Variants in HOXD10 observed in about 807,000 individuals in gnomAD.
HOXD10 encodes the protein homeobox protein Hox-D10.
A neutral mutation model predicts 27.0 loss-of-function variants in HOXD10; 15 were observed. The observed-to-expected ratio is 0.56, with a 90% confidence interval of 0.37 to 0.85. The LOEUF is 0.85. Among genes scored for constraint, HOXD10 ranks in the 40% least tolerant of loss-of-function variants. The probability of loss-of-function intolerance (pLI) is 0.00; values close to 1 mark genes in which losing one functional copy is unlikely to be tolerated. For missense variants in HOXD10, 440 were observed against 430.4 expected, an observed-to-expected ratio of 1.02 and a Z score of -0.20; for synonymous variants, 178 against 160.9, an observed-to-expected ratio of 1.11 and a Z score of -0.80.
chr2:176,119,279 G>C lies in HOXD10; in HGVS notation c.*48G>C. The C allele has an allele frequency of 6.3e-7, 1 of 1,595,568 alleles. No homozygotes were observed. The highest frequency in any genetic ancestry group is 8.6e-7 in the Non-Finnish European group (1 of 1,167,750). ...GTCAGAGGCCAGGATTGGAGAGGGG[G>C]CACCGCGTTCCAGGGCCCAGTGCTG... On this transcript the variant is annotated 3_prime_UTR_variant, in exon 2 of 2. Coordinates refer to ENST00000249501, the MANE Select transcript of HOXD10 (RefSeq NM_002148.4).
rs779104360 is a variant in HOXD10, at chr2:176,117,551, C to T, written c.718C>T (p.Pro240Ser). 1.2e-6 allele frequency: 2 copies of T among 1,613,182 alleles called. No homozygotes were observed. The highest frequency in any genetic ancestry group is 3.3e-5 in the Admixed American group (2 of 60,030). ...SCLAEVSVSS[P>S]EVQEKESKEE... ...CCTGGCTGAGGTCTCCGTGTCCAGT[C>T]CCGAAGTGCAGGAGAAGGAAAGCAA... The change falls in exon 1 of 2, where the codon CCC (proline) becomes TCC (serine). Residue 240 changes from proline to serine, a missense_variant. Pro to Ser is a moderately conservative substitution (Grantham distance 74). Transcript: ENST00000249501.
At chr2:176,118,539 G>C (rs1689803381) in intron 1 of HOXD10, among the ~76,000 whole-genome samples, 1 of 152,226 alleles carries the variant, frequency 6.6e-6, no homozygotes, top group Non-Finnish European at 1.5e-5. Context: ...GGGGTTGGTA[G>C]GCTTGTCCAG....
chr2:176,118,852 A>C lies in HOXD10; in HGVS notation c.746-102A>C, dbSNP rs374352905. On this transcript the variant is annotated intron_variant, in intron 1 of 1. Coordinates refer to ENST00000249501, the MANE Select transcript of HOXD10 (RefSeq NM_002148.4). ...ATTTGAACAGTCTGAAGAAAAAAACAAAAACGAAAACCAAAACCAAAACCA... is the reference window on the plus strand; with the variant it reads ...ATTTGAACAGTCTGAAGAAAAAAACCAAAACGAAAACCAAAACCAAAACCA... 568 of 1,101,012 alleles carry C rather than the reference A, an allele frequency of 5.2e-4. 4 individuals are homozygous for C. In the East Asian group the frequency reaches 0.012, roughly 24 times the overall value. The allele number at this position is 1,101,012 out of a possible 1,614,324, so 68.2% of individuals were successfully genotyped here.
At position 176,116,961 on chromosome 2, in the gene HOXD10, T is replaced by C. The variant is rs965599944; in HGVS notation, c.128T>C (p.Met43Thr). The C allele has an allele frequency of 6.2e-7, 1 of 1,614,174 alleles. No homozygotes were observed. Among genetic ancestry groups the C allele is most frequent in the Non-Finnish European group, 8.5e-7 (1 of 1,180,030 alleles). The change falls in exon 1 of 2, where the codon ATG becomes ACG. Residue 43 changes from methionine (M) to threonine (T), a missense_variant. By Grantham distance (81) the Met-to-Thr change is moderately conservative (BLOSUM62 -1). Coordinates refer to ENST00000249501, the MANE Select transcript of HOXD10 (RefSeq NM_002148.4). ...TACATGCCACCACCTAGCGCAGACA[T>C]GGGGACCTATGGAATGCAAACCTGT... is the stretch of plus-strand genomic sequence containing the variant. ...SMYMPPPSAD[M>T]GTYGMQTCGL...
rs751382680 is a variant in HOXD10 at position 176,117,464 on chromosome 2, A to T, written c.631A>T (p.Thr211Ser). The T allele has an allele frequency of 1.9e-6, 3 of 1,613,120 alleles. No homozygotes were observed. The highest frequency in any genetic ancestry group is 2.5e-6 in the Non-Finnish European group (3 of 1,179,990). The change falls in exon 1 of 2, where the codon ACC (threonine) becomes TCC (serine). Residue 211 changes from threonine (T) to serine (S), a missense_variant. Coordinates refer to ENST00000249501, the MANE Select transcript of HOXD10 (RefSeq NM_002148.4). Reference sequence around the variant, plus strand: ...CGAGCCCGTGAGCGGCCAGGAGCCCACCAAAGTCTCCCAGGTGGAGAGCCC... The same window carrying T: ...CGAGCCCGTGAGCGGCCAGGAGCCCTCCAAAGTCTCCCAGGTGGAGAGCCC... ...MNEPVSGQEP[T>S]KVSQVESPEA...
chr2:176,116,783 G>A lies in HOXD10; in HGVS notation c.-51G>A, dbSNP rs1031084169. 4 of 1,573,712 alleles carry A rather than the reference G, an allele frequency of 2.5e-6. No homozygotes were observed. In the Admixed American group the frequency reaches 5.0e-5, roughly 20 times the overall value. On this transcript the variant is annotated 5_prime_UTR_variant, in exon 1 of 2. Coordinates refer to ENST00000249501, the MANE Select transcript of HOXD10 (RefSeq NM_002148.4). The stretch of plus-strand genomic sequence containing the variant: ...ATTACACGGGGAATGTTTTCCTAGA[G>A]ATGTCAGCCTACAAAGGACACAATC...
Position 176,119,074 on chromosome 2 carries a change from T to A in HOXD10, c.866T>A (p.Met289Lys). ...TTAGAAAAAGAGTTCTTGTTCAATATGTACCTCACCCGCGAGCGCCGCCTA... is the reference window on the plus strand; with the variant it reads ...TTAGAAAAAGAGTTCTTGTTCAATAAGTACCTCACCCGCGAGCGCCGCCTA... Reference protein sequence around the residue: ...LELEKEFLFNMYLTRERRLEI... With the variant: ...LELEKEFLFNKYLTRERRLEI... The change falls in exon 2 of 2, where the codon ATG becomes AAG. Residue 289 changes from methionine (M) to lysine (K), a missense_variant. Physicochemically the swap from Met to Lys is moderately conservative, Grantham distance 95. Coordinates refer to ENST00000249501, the MANE Select transcript of HOXD10 (RefSeq NM_002148.4). 1 of 1,614,082 alleles carries A rather than the reference T, an allele frequency of 6.2e-7. No individual in the cohort carries two copies. Among genetic ancestry groups the A allele is most frequent in the Non-Finnish European group, 8.5e-7 (1 of 1,180,020 alleles).
Position 176,117,150 on chromosome 2 carries a change from A to G in HOXD10, c.317A>G (p.Asn106Ser), listed in dbSNP as rs1473617830. Residue 106 changes from asparagine to serine, a missense_variant, in exon 1 of 2, where the codon AAC becomes AGC. Coordinates refer to ENST00000249501, the MANE Select transcript of HOXD10 (RefSeq NM_002148.4). ...GTCCCCACTTGCTCCTTCACCACCA[A>G]CATTAAGGAAGAATCCAATTGCTGC... ...QQVPTCSFTT[N>S]IKEESNCCMY... The G allele has an allele frequency of 6.2e-7, 1 of 1,614,178 alleles. No homozygotes were observed. Among genetic ancestry groups the G allele is most frequent in the South Asian group, 1.1e-5 (1 of 91,084 alleles).
At chr2:176,118,909 A>G (rs943516921) in intron 1 of HOXD10, 45 bp from the exon 2 acceptor site, 5 of 1,550,384 alleles carry the variant, frequency 3.2e-6, no homozygotes, top group Admixed American at 3.5e-5. Context: ...CAAACAAACA[A>G]AAAACCTCTT....
In HOXD10 at chr2:176,119,435, GTA is replaced by G. The variant is rs6147035; in HGVS notation, c.*233_*234del. The G allele has an allele frequency of 4.2e-3, 745 of 177,984 alleles. 14 individuals are homozygous for G. Among genetic ancestry groups the G allele is most frequent in the African/African-American group, 0.023 (504 of 21,518 alleles). 11.0% of individuals were successfully genotyped at this position (177,984 alleles called of 1,614,324 possible). A position where few individuals can be genotyped will look rare whatever the true frequency, so the allele number is the denominator to read the frequency against. On this transcript the variant is annotated 3_prime_UTR_variant, in exon 2 of 2. Coordinates refer to ENST00000249501, the MANE Select transcript of HOXD10 (RefSeq NM_002148.4). ...TGCAAGTGATCTGTAATCCCTATGAGTATATATATATATATATATATATATAT... is the reference window on the plus strand; with the variant it reads ...TGCAAGTGATCTGTAATCCCTATGAGTATATATATATATATATATATATAT...
rs374054273 is a variant in HOXD10, at chr2:176,119,337, C to A, written c.*106C>A. The stretch of plus-strand genomic sequence containing the variant: ...GGGAAAGCGGAAACAAAACCTTCAC[C>A]GCTCTTTGTTTGTTGTTTTGTTGTA... On this transcript the variant is annotated 3_prime_UTR_variant, in exon 2 of 2. Coordinates refer to ENST00000249501, the MANE Select transcript of HOXD10 (RefSeq NM_002148.4). The A allele has an allele frequency of 2.6e-6, 3 of 1,155,930 alleles. No individual in the cohort carries two copies. The East Asian group carries it at 7.7e-5, about 30-fold the overall frequency. The allele number at this position is 1,155,930 out of a possible 1,614,324, so 71.6% of individuals were successfully genotyped here.
In HOXD10 at chr2:176,117,541, C is replaced by A. The variant is rs754834998; in HGVS notation, c.708C>A (p.Ser236=). 3.7e-6 allele frequency: 6 copies of A among 1,613,182 alleles called. No individual in the cohort carries two copies. In the Admixed American group the frequency reaches 6.7e-5, roughly 18 times the overall value. ...AGAGGAGCTGCCTGGCTGAGGTCTCCGTGTCCAGTCCCGAAGTGCAGGAGA... is the reference window on the plus strand; with the variant it reads ...AGAGGAGCTGCCTGGCTGAGGTCTCAGTGTCCAGTCCCGAAGTGCAGGAGA... ...PEERSCLAEV[S]VSSPEVQEKE... The change falls in exon 1 of 2, where the codon TCC becomes TCA. Residue 236 remains serine (S), a synonymous_variant. Transcript: ENST00000249501.
chr2:176,118,606 G>A (rs572494731), intron 1 of HOXD10, among the ~76,000 whole-genome samples: 1 of 152,224 alleles, frequency 6.6e-6, no homozygotes, highest in African/African-American at 2.4e-5. Flanking sequence ...AATGTTGCTG[G>A]GGAGATCTGG....
rs138810023 is a variant in HOXD10 at position 176,118,478 on chromosome 2, C to T, written c.746-476C>T. On this transcript the variant is annotated intron_variant, in intron 1 of 1. Coordinates refer to ENST00000249501, the MANE Select transcript of HOXD10 (RefSeq NM_002148.4). ...ACCTGACTGTCAGGATTCCTGACTGCCTAGGAGAGGTGGGGAAGAAGTGGC... is the reference window on the plus strand; with the variant it reads ...ACCTGACTGTCAGGATTCCTGACTGTCTAGGAGAGGTGGGGAAGAAGTGGC... Among the ~76,000 whole-genome samples the T allele has an allele frequency of 1.3e-3, 203 of 152,278 alleles. 1 individual carries two copies. Among genetic ancestry groups the T allele is most frequent in the African/African-American group, 4.5e-3 (186 of 41,538 alleles).
chr2:176,117,889 C>A (rs1689789589), intron 1 of HOXD10, among the ~76,000 whole-genome samples: 2 of 152,204 alleles, frequency 1.3e-5, no homozygotes, highest in African/African-American at 4.8e-5. Flanking sequence ...TAAACACGAC[C>A]ACAGAGCCTC....
chr2:176,117,083 C>G lies in HOXD10; in HGVS notation c.250C>G (p.Pro84Ala). The change falls in exon 1 of 2, where the codon CCG (proline) becomes GCG (alanine). Residue 84 changes from proline (P) to alanine (A), a missense_variant. Physicochemically the swap from Pro to Ala is conservative, Grantham distance 27. Coordinates refer to ENST00000249501, the MANE Select transcript of HOXD10 (RefSeq NM_002148.4). ...ACCTCAAGTAGACAGTTGGACAGAT[C>G]CGAACAGATCTTGTCGAATAGAGCA... ...YIPQVDSWTD[P>A]NRSCRIEQPV... 1 of 1,614,190 alleles carries G rather than the reference C, an allele frequency of 6.2e-7. No homozygotes were observed. Among genetic ancestry groups the G allele is most frequent in the African/African-American group, 1.3e-5 (1 of 75,030 alleles).
In HOXD10 at chr2:176,119,184, C is replaced by T. The variant is rs754306920; in HGVS notation, c.976C>T (p.Arg326Ter). 4.3e-6 allele frequency: 7 copies of T among 1,613,670 alleles called. No homozygotes were observed. The highest frequency in any genetic ancestry group is 5.9e-6 in the Non-Finnish European group (7 of 1,180,004). Residue 326 changes from arginine (R) to a stop codon, truncating the protein, a stop_gained, in exon 2 of 2, where the codon CGA becomes TGA. Transcript: ENST00000249501. LOFTEE classifies it high-confidence loss of function. ...NRRMKLKKMS[R>*]ENRIRELTAN... ...CCGAATGAAACTCAAGAAGATGAGC[C>T]GAGAGAACCGGATCCGAGAACTGAC...
In HOXD10 at chr2:176,119,435, GTATATATA is replaced by G. The variant is rs6147035; in HGVS notation, c.*227_*234del. 61 of 178,028 alleles carry G rather than the reference GTATATATA, an allele frequency of 3.4e-4. 2 individuals carry two copies. Among genetic ancestry groups the G allele is most frequent in the African/African-American group, 1.9e-3 (41 of 21,524 alleles). The allele number at this position is 178,028 out of a possible 1,614,324, so 11.0% of individuals were successfully genotyped here. A position where few individuals can be genotyped will look rare whatever the true frequency, so the allele number is the denominator to read the frequency against. ...TGCAAGTGATCTGTAATCCCTATGAGTATATATATATATATATATATATATATATAAAA... is the reference window on the plus strand; with the variant it reads ...TGCAAGTGATCTGTAATCCCTATGAGTATATATATATATATATATATAAAA... On this transcript the variant is annotated 3_prime_UTR_variant, in exon 2 of 2. Coordinates refer to ENST00000249501, the MANE Select transcript of HOXD10 (RefSeq NM_002148.4).
rs776082606 is a variant in HOXD10 at position 176,116,990 on chromosome 2, C to A, written c.157C>A (p.Leu53Met). ...MGTYGMQTCG[L>M]LPSLAKREVN... ...GACCTATGGAATGCAAACCTGTGGA[C>A]TGCTCCCGTCTCTGGCCAAAAGAGA... Residue 53 changes from leucine (L) to methionine (M), a missense_variant, in exon 1 of 2, where the codon CTG becomes ATG. Coordinates refer to ENST00000249501, the MANE Select transcript of HOXD10 (RefSeq NM_002148.4). The A allele has an allele frequency of 6.2e-7, 1 of 1,614,170 alleles. No individual in the cohort carries two copies. The highest frequency in any genetic ancestry group is 1.7e-5 in the Admixed American group (1 of 60,034).
Sources: gnomAD v4.1 joint callset for allele counts (sites outside exome capture counted in the v4.1 genomes callset) on GRCh38, gnomAD v4.1.1 for gene constraint, MANE v1.5 for transcripts, NCBI Gene and HGNC (gene_info 2026-07-23, HGNC 2026-07-21) for gene names.